MYOZ2: variants seen among roughly 807,000 people sequenced by gnomAD.
MYOZ2 encodes myozenin-2.
MYOZ2 carries 19 observed loss-of-function variants against 25.4 expected under a neutral mutation model. The observed-to-expected ratio is 0.75, with a 90% CI of 0.52 to 1.10. The LOEUF (loss-of-function observed/expected upper bound fraction) is 1.10. MYOZ2 is among the 50% of genes least tolerant of loss of function. The pLI is 0.00. For synonymous variants in MYOZ2, 92 were observed against 106.9 expected (o/e 0.86, Z 0.86); for missense variants, 270 against 317.9 (o/e 0.85, Z 1.15).
In MYOZ2 at chr4:119,150,859, TA is replaced by T; in HGVS notation, c.77-12del. 6.2e-7 allele frequency: 1 copy of T among 1,612,262 alleles called. No individual in the cohort carries two copies. Among genetic ancestry groups the T allele is most frequent in the Non-Finnish European group, 8.5e-7 (1 of 1,178,362 alleles). The stretch of plus-strand genomic sequence containing the variant: ...ACCTTGGGATTTTTACTCATATGAA[TA>T]TTGTTTTACAGATGTTGATGGCATG... On this transcript the variant is annotated splice_polypyrimidine_tract_variant and intron_variant, in intron 2 of 5. Coordinates refer to ENST00000307128, the MANE Select transcript of MYOZ2 (RefSeq NM_016599.5).
At chr4:119,148,865 T>TAGTCAG (rs2149220815) in intron 2 of MYOZ2, among the ~76,000 whole-genome samples, 1 of 151,778 alleles carries the variant, frequency 6.6e-6, no homozygotes, top group Admixed American at 6.6e-5. Context: ...TACTTTAAAA[T>TAGTCAG]ATTTGTCAGA....
rs1408647865 is a variant in MYOZ2 at position 119,136,572 on chromosome 4, C to T, written c.47C>T (p.Thr16Ile). The T allele has an allele frequency of 6.2e-7, 1 of 1,613,612 alleles. No individual in the cohort carries two copies. The highest frequency in any genetic ancestry group is 1.7e-5 in the Admixed American group (1 of 59,986). ...TMMKQRKQQA[T>I]AIMKEVHGND... is the part of the protein sequence containing the mutation. ...ATGAAGCAGAGAAAACAGCAAGCAA[C>T]AGCCATCATGAAGGAAGTCCATGGA... The change falls in exon 2 of 6, where the codon ACA (threonine) becomes ATA (isoleucine). Residue 16 changes from threonine (T) to isoleucine (I), a missense_variant. Thr to Ile is a moderately conservative substitution (Grantham distance 89). Transcript: ENST00000307128.
At chr4:119,172,272 G>C (rs1159391660) in intron 5 of MYOZ2, among the ~76,000 whole-genome samples, 3 of 152,212 alleles carry the variant, frequency 2.0e-5, no homozygotes, top group Non-Finnish European at 4.4e-5. Context: ...AATTGCGATA[G>C]AGTTTAATTC....
Position 119,158,032 on chromosome 4 carries a change from C to T in MYOZ2, c.257C>T (p.Ala86Val). 2 of 1,613,958 alleles carry T rather than the reference C, an allele frequency of 1.2e-6. No individual in the cohort carries two copies. Among genetic ancestry groups the T allele is most frequent in the Non-Finnish European group, 1.7e-6 (2 of 1,179,920 alleles). Residue 86 changes from alanine (A) to valine (V), a missense_variant, in exon 4 of 6, where the codon GCT becomes GTT. By Grantham distance (64) the Ala-to-Val change is moderately conservative (BLOSUM62 0). Transcript: ENST00000307128. ...QSRAQINHSI[A>V]MQNGKVDGSN... Reference sequence around the variant, plus strand: ...TTTGATTAAATACAGCACAGTATTGCTATGCAGAATGGGAAAGTGGATGGA... The same window carrying T: ...TTTGATTAAATACAGCACAGTATTGTTATGCAGAATGGGAAAGTGGATGGA...
chr4:119,181,957 T>C (rs866298552), intron 5 of MYOZ2, among the ~76,000 whole-genome samples: 29 of 152,296 alleles, frequency 1.9e-4, no homozygotes, highest in African/African-American at 5.8e-4. Flanking sequence ...AACACGACTT[T>C]ATTGTTTTAG....
chr4:119,154,121 G>C (rs1211211513), intron 3 of MYOZ2, among the ~76,000 whole-genome samples: 1 of 151,920 alleles, frequency 6.6e-6, no homozygotes, highest in Non-Finnish European at 1.5e-5. Flanking sequence ...TAAATAATTG[G>C]AACTCTAAAT....
chr4:119,176,344 C>T (rs1048535961), intron 5 of MYOZ2, among the ~76,000 whole-genome samples: 2 of 152,014 alleles, frequency 1.3e-5, no homozygotes, highest in African/African-American at 4.8e-5. Flanking sequence ...CTTCAGACTC[C>T]GGAGTAGCTG....
intron 3 of MYOZ2, among the ~76,000 whole-genome samples, chr4:119,154,697 C>A (rs764180257): frequency 2.0e-5 from 3 of 152,072 alleles, no homozygotes; most frequent in Non-Finnish European, 4.4e-5. Context: ...AAATTTATCT[C>A]AAATGCCTTT....
chr4:119,175,533 G>T (rs1742050502), intron 5 of MYOZ2, among the ~76,000 whole-genome samples: 1 of 151,990 alleles, frequency 6.6e-6, no homozygotes, highest in African/African-American at 2.4e-5. Flanking sequence ...GGCTGGGGCG[G>T]GTGGGGTTAG....
Position 119,180,782 on chromosome 4 carries a change from C to T in MYOZ2, c.561-5184C>T, listed in dbSNP as rs1742172901. ...TGTTGGCCAGGCTGGTTTCGAACTG[C>T]TGACCTCAGGTGATCTGCTTGCCTC... is the stretch of plus-strand genomic sequence containing the variant. On this transcript the variant is annotated intron_variant, in intron 5 of 5. Coordinates refer to ENST00000307128, the MANE Select transcript of MYOZ2 (RefSeq NM_016599.5). Among the ~76,000 whole-genome samples the T allele has an allele frequency of 2.6e-5, 4 of 152,144 alleles. No individual in the cohort carries two copies. The South Asian group carries it at 8.3e-4, about 32-fold the overall frequency.
chr4:119,155,540 A>G (rs1741554343), intron 3 of MYOZ2, among the ~76,000 whole-genome samples: 2 of 152,170 alleles, frequency 1.3e-5, no homozygotes, highest in South Asian at 4.1e-4. Context: ...GGTTTAGTAA[A>G]GAACAGAAAA....
chr4:119,164,168 C>T, intron 4 of MYOZ2, 43 bp from the exon 5 acceptor site: 1 of 1,570,430 alleles, frequency 6.4e-7, no homozygotes, highest in Non-Finnish European at 8.8e-7. Flanking sequence ...GTTAGTAACT[C>T]TCGGGCACAG....
intron 2 of MYOZ2, among the ~76,000 whole-genome samples, chr4:119,150,113 G>A (rs919645960): frequency 6.6e-6 from 1 of 152,050 alleles, no homozygotes; most frequent in Non-Finnish European, 1.5e-5. Context: ...TGGAAAAACT[G>A]TTTAGTAAAA....
rs966649631 is a variant in MYOZ2 at position 119,143,202 on chromosome 4, C to CT, written c.76+6612dup. ...AATTAAATTTCTTTCTTTCTTTTTTCTTTTTTTTTTTGAGATGGAGTCTTG... is the reference window on the plus strand; with the variant it reads ...AATTAAATTTCTTTCTTTCTTTTTTCTTTTTTTTTTTTGAGATGGAGTCTTG... On this transcript the variant is annotated intron_variant, in intron 2 of 5. Coordinates refer to ENST00000307128, the MANE Select transcript of MYOZ2 (RefSeq NM_016599.5). Among the ~76,000 whole-genome samples the CT allele has an allele frequency of 2.9e-3, 418 of 145,780 alleles. 1 individual carries two copies. Among genetic ancestry groups the CT allele is most frequent in the African/African-American group, 8.0e-3 (320 of 40,062 alleles).
At chr4:119,165,874 C>T (rs1227808835) in intron 5 of MYOZ2, among the ~76,000 whole-genome samples, 1 of 152,146 alleles carries the variant, frequency 6.6e-6, no homozygotes, top group Non-Finnish European at 1.5e-5. Flanking sequence ...TGTAGTTCTA[C>T]ACACACTGGT....
chr4:119,136,408 C>A, intron 1 of MYOZ2, 104 bp from the exon 2 acceptor site: 1 of 1,044,586 alleles, frequency 9.6e-7, no homozygotes, highest in Non-Finnish European at 1.4e-6. Flanking sequence ...GCGATAATAA[C>A]TTTTTAATAA....
chr4:119,177,220 T>C (rs1220105820), intron 5 of MYOZ2, among the ~76,000 whole-genome samples: 3 of 152,214 alleles, frequency 2.0e-5, no homozygotes, highest in Admixed American at 1.3e-4. Flanking sequence ...ACACATCTCA[T>C]CTTCCTCTCG....
Position 119,164,382 on chromosome 4 carries a change from G to A in MYOZ2, c.548G>A (p.Arg183Lys). ...PEGKAELPDY[R>K]SFNRVATPFG... is the part of the protein sequence containing the mutation. ...GGAAAGGCAGAACTGCCTGATTACA[G>A]GAGCTTTAACAGGTAATTCAATGGT... The change falls in exon 5 of 6, where the codon AGG becomes AAG. Residue 183 changes from arginine (R) to lysine (K), a missense_variant. Arg to Lys is a conservative substitution (Grantham distance 26). Coordinates refer to ENST00000307128, the MANE Select transcript of MYOZ2 (RefSeq NM_016599.5). 1 of 1,613,998 alleles carries A rather than the reference G, an allele frequency of 6.2e-7. No individual in the cohort carries two copies. The highest frequency in any genetic ancestry group is 8.5e-7 in the Non-Finnish European group (1 of 1,179,938).
chr4:119,156,192 C>T lies in MYOZ2; in HGVS notation c.247-1830C>T, dbSNP rs190297527. On this transcript the variant is annotated intron_variant, in intron 3 of 5. Transcript: ENST00000307128. ...AAGGGAAGGGGTGTTTTTTAAATCA[C>T]GACAGAGCCGACCATGGTAATGACG... Among the ~76,000 whole-genome samples the T allele has an allele frequency of 6.6e-5, 10 of 151,848 alleles. No homozygotes were observed. In the East Asian group the frequency reaches 9.6e-4, roughly 15 times the overall value.
Sources: allele counts gnomAD v4.1 joint callset (sites outside exome capture counted in the v4.1 genomes callset), GRCh38; gene constraint gnomAD v4.1.1; transcripts MANE v1.5; gene names NCBI Gene and HGNC (gene_info 2026-07-23, HGNC 2026-07-21).